CSMD1: variants seen among roughly 807,000 people sequenced by gnomAD.
The protein encoded by CSMD1 is CUB and Sushi multiple domains 1, also known as CUB and sushi domain-containing protein 1.
A neutral mutation model predicts 417.5 loss-of-function variants in CSMD1; 213 were observed. The ratio of observed to expected loss-of-function variants is 0.51; its 90% CI spans 0.46 to 0.57. CSMD1 has a LOEUF of 0.57. CSMD1 is among the 20% of genes least tolerant of loss of function. The pLI, the probability that CSMD1 is intolerant of heterozygous loss-of-function variation, is 0.00. For synonymous variants in CSMD1, 2,862 were observed against 1,736.8 expected, an observed-to-expected ratio of 1.65 and a Z score of -16.11; for missense variants, 6,923 against 4,529.7, an observed-to-expected ratio of 1.53 and a Z score of -15.17.
chr8:3,464,509 A>C (rs1458415399), intron 12 of CSMD1, among the ~76,000 whole-genome samples: 3 of 151,448 alleles, frequency 2.0e-5, no homozygotes, highest in African/African-American at 7.3e-5. Flanking sequence ...GACTCACATT[A>C]TCTTTTCTTA....
intron 30 of CSMD1, among the ~76,000 whole-genome samples, chr8:3,206,577 G>GTATGTGTGTGTT (rs1797295805): frequency 1.2e-5 from 1 of 82,172 alleles, no homozygotes; most frequent in Non-Finnish European, 2.7e-5. Context: ...GTGTGTGTGT[G>GTATGTGTGTGTT]TGTATGTGTG....
At chr8:4,623,371 C>G (rs1801892146) in intron 2 of CSMD1, among the ~76,000 whole-genome samples, 2 of 152,142 alleles carry the variant, frequency 1.3e-5, no homozygotes, top group South Asian at 4.1e-4. Context: ...AACTAAAATT[C>G]ATCCCTCAGG....
intron 3 of CSMD1, among the ~76,000 whole-genome samples, chr8:4,140,187 T>G (rs574556002): frequency 1.5e-5 from 2 of 133,596 alleles, no homozygotes; most frequent in Admixed American, 7.7e-5. Flanking sequence ...AACCCGTATC[T>G]AAAACCACAA....
chr8:3,686,645 A>G (rs1048159667), intron 7 of CSMD1, among the ~76,000 whole-genome samples: 1 of 152,200 alleles, frequency 6.6e-6, no homozygotes, highest in African/African-American at 2.4e-5. Context: ...CTATACAAAC[A>G]AACCTTGCTA....
intron 3 of CSMD1, among the ~76,000 whole-genome samples, chr8:4,048,945 A>G (rs907125235): frequency 6.6e-6 from 1 of 152,152 alleles, no homozygotes; most frequent in Non-Finnish European, 1.5e-5. Context: ...AAATATTTCT[A>G]CTATAAATCT....
intron 3 of CSMD1, among the ~76,000 whole-genome samples, chr8:4,100,653 G>C (rs1220180930): frequency 6.6e-6 from 1 of 152,094 alleles, no homozygotes; most frequent in Non-Finnish European, 1.5e-5. Flanking sequence ...TCATTTCGAT[G>C]ATGGAAAAAG....
intron 3 of CSMD1, among the ~76,000 whole-genome samples, chr8:4,108,200 A>C (rs1801670920): frequency 6.6e-6 from 1 of 152,144 alleles, no homozygotes; most frequent in Admixed American, 6.5e-5. Flanking sequence ...ATGGGAAACA[A>C]ATCAAGCTTA....
intron 1 of CSMD1, among the ~76,000 whole-genome samples, chr8:4,982,672 G>T (rs1810961392): frequency 6.6e-6 from 1 of 152,174 alleles, no homozygotes; most frequent in South Asian, 2.1e-4. Flanking sequence ...TTTTTATATG[G>T]ACTCTTTTTA....
chr8:3,268,764 G>A (rs944320320), intron 26 of CSMD1, among the ~76,000 whole-genome samples: 2 of 152,134 alleles, frequency 1.3e-5, no homozygotes, highest in African/African-American at 4.8e-5. Flanking sequence ...CTACTCCTGT[G>A]TTGATTGGGA....
intron 5 of CSMD1, among the ~76,000 whole-genome samples, chr8:3,822,314 T>G (rs954006277): frequency 1.3e-5 from 2 of 152,142 alleles, no homozygotes; most frequent in East Asian, 3.9e-4. Flanking sequence ...GAACAGGTGT[T>G]TTAAATATCC....
chr8:4,727,438 C>A (rs934764936), intron 1 of CSMD1, among the ~76,000 whole-genome samples: 2 of 152,044 alleles, frequency 1.3e-5, no homozygotes, highest in Admixed American at 6.6e-5. Context: ...TGGAATTATG[C>A]GTAAGATAGT....
chr8:4,015,932 C>G (rs1796501692), intron 4 of CSMD1, among the ~76,000 whole-genome samples: 1 of 152,148 alleles, frequency 6.6e-6, no homozygotes, highest in African/African-American at 2.4e-5. Flanking sequence ...AACAAAATGT[C>G]TCTTCAACTG....
intron 5 of CSMD1, among the ~76,000 whole-genome samples, chr8:3,989,858 G>C (rs1351661111): frequency 6.6e-6 from 1 of 152,268 alleles, no homozygotes; most frequent in Non-Finnish European, 1.5e-5. Flanking sequence ...GAGGAGTATA[G>C]GATTGCACAA....
intron 15 of CSMD1, among the ~76,000 whole-genome samples, chr8:3,401,880 T>C (rs1812059303): frequency 6.6e-6 from 1 of 151,710 alleles, no homozygotes; most frequent in Admixed American, 6.6e-5. Context: ...ATCATGTTCA[T>C]ACTCACTTAG....
chr8:3,846,025 T>C (rs940397855), intron 5 of CSMD1, among the ~76,000 whole-genome samples: 6 of 151,998 alleles, frequency 3.9e-5, no homozygotes, highest in Non-Finnish European at 8.8e-5. Flanking sequence ...GGACATCTTC[T>C]GAAAGAGCTG....
intron 21 of CSMD1, 85 bp downstream of exon 21, chr8:3,359,067 A>T: frequency 7.4e-7 from 1 of 1,345,400 alleles, no homozygotes; most frequent in Non-Finnish European, 1.1e-6. Flanking sequence ...ACAAACCCCC[A>T]CCCGACCCCG....
At chr8:4,852,627 G>T (rs951639994) in intron 1 of CSMD1, among the ~76,000 whole-genome samples, 1 of 152,168 alleles carries the variant, frequency 6.6e-6, no homozygotes, top group African/African-American at 2.4e-5. Context: ...TGAAAATATG[G>T]AAGTGGCTTT....
Position 4,177,610 on chromosome 8 carries a change from A to G in CSMD1, c.416-145511T>C, listed in dbSNP as rs187304329. On this transcript the variant is annotated intron_variant, in intron 3 of 69. Transcript: ENST00000635120. Reference sequence around the variant, plus strand: ...AGAACTGAAGGAAATAGAGATGCAAATAACCCTTCAAAAAATTAATGAATC... The same window carrying G: ...AGAACTGAAGGAAATAGAGATGCAAGTAACCCTTCAAAAAATTAATGAATC... Among the ~76,000 whole-genome samples, 188 of 150,488 alleles carry G rather than the reference A, an allele frequency of 1.2e-3. 1 individual carries two copies. Among genetic ancestry groups the G allele is most frequent in the South Asian group, 0.011 (52 of 4,608 alleles).
At chr8:3,635,741 C>G (rs1161074377) in intron 7 of CSMD1, among the ~76,000 whole-genome samples, 1 of 147,098 alleles carries the variant, frequency 6.8e-6, no homozygotes, top group African/African-American at 2.5e-5. Context: ...CCTCGGCCTC[C>G]CGAAGTGCTG....
Sources: gnomAD v4.1 joint callset for allele counts (sites outside exome capture counted in the v4.1 genomes callset) on GRCh38, gnomAD v4.1.1 for gene constraint, MANE v1.5 for transcripts, NCBI Gene and HGNC (gene_info 2026-07-23, HGNC 2026-07-21) for gene names.